Variants in TEPSIN observed in about 807,000 individuals in gnomAD.
TEPSIN encodes the protein AP-4 complex accessory subunit tepsin.
TEPSIN carries 50 observed loss-of-function variants against 48.5 expected under a neutral mutation model. The ratio of observed to expected loss-of-function variants is 1.03; its 90% CI spans 0.82 to 1.31. TEPSIN has a LOEUF of 1.31. TEPSIN is among the 50% of genes most tolerant of loss of function. TEPSIN has a pLI of 0.00. For synonymous variants in TEPSIN, 392 were observed against 358.8 expected (o/e 1.09, Z -1.05); for missense variants, 838 against 815.9 (o/e 1.03, Z -0.33).
In TEPSIN at chr17:81,234,153, ACCAAGG is replaced by A; in HGVS notation, c.308-111_308-106del. The stretch of plus-strand genomic sequence containing the variant: ...CACTCCAGGGTGGCAAGTTCCTGCC[ACCAAGG>A]CCCTTCTGTCACAGCCAATGGGATG... On this transcript the variant is annotated intron_variant, in intron 4 of 12. Transcript: ENST00000637944. The surrounding 1 kb of genome is among the most constrained non-coding windows in gnomAD (Gnocchi z 5.4). The A allele has an allele frequency of 9.9e-7, 1 of 1,008,420 alleles. No individual in the cohort carries two copies. The highest frequency in any genetic ancestry group is 1.4e-6 in the Non-Finnish European group (1 of 714,774). 62.5% of individuals were successfully genotyped at this position (1,008,420 alleles called of 1,614,324 possible).
At chr17:81,238,925 G>C in intron 1 of TEPSIN, 61 bp downstream of exon 1, 1 of 1,400,686 alleles carries the variant, frequency 7.1e-7, no homozygotes, top group Non-Finnish European at 9.2e-7. Context: ...GGCGAGTCCG[G>C]GGAATGCGGC....
At chr17:81,231,078 T>C (rs950066523) in intron 11 of TEPSIN, 21 of 505,450 alleles carry the variant, frequency 4.2e-5, no homozygotes, top group African/African-American at 3.6e-4. Context: ...TTCATGTGCA[T>C]GCACACACAC....
In TEPSIN at chr17:81,237,455, G is replaced by A. The variant is rs769796171; in HGVS notation, c.53C>T (p.Pro18Leu). ...ATCGGACGTCCCCTTCAGGAGAATC[G>A]GGAGCTGAAAGGGAACAAGAGCCCC... ...RDRLSFLHRL[P>L]ILLKGTSDDD... The change falls in exon 2 of 13, where the codon CCG (proline) becomes CTG (leucine). Residue 18 changes from proline (P) to leucine (L), a missense_variant. Physicochemically the swap from Pro to Leu is moderately conservative, Grantham distance 98. Coordinates refer to ENST00000637944, the MANE Select transcript of TEPSIN (RefSeq NM_001363764.2). 1.6e-5 allele frequency: 25 copies of A among 1,608,770 alleles called. No individual in the cohort carries two copies. Among genetic ancestry groups the A allele is most frequent in the Non-Finnish European group, 1.8e-5 (21 of 1,178,074 alleles).
At position 81,236,704 on chromosome 17, in the gene TEPSIN, G is replaced by C. The variant is rs777469270; in HGVS notation, c.307+4C>G. The C allele has an allele frequency of 5.1e-6, 8 of 1,558,144 alleles. No individual in the cohort carries two copies. In the South Asian group the frequency reaches 9.5e-5, roughly 18 times the overall value. On this transcript the variant is annotated splice_donor_region_variant and intron_variant, in intron 4 of 12. Transcript: ENST00000637944. ...CTTCCTGAGCGCGTGCGCGGCCCCTGTACCTGCAGCTTCCTGGATGAAGGC... is the reference window on the plus strand; with the variant it reads ...CTTCCTGAGCGCGTGCGCGGCCCCTCTACCTGCAGCTTCCTGGATGAAGGC...
intron 1 of TEPSIN, chr17:81,238,140 T>C: frequency 2.0e-6 from 2 of 985,586 alleles, no homozygotes; most frequent in Non-Finnish European, 2.4e-6. Context: ...CCGAAGCCTT[T>C]CGGTCGGAAG....
chr17:81,237,616 G>T (rs2062748273), intron 1 of TEPSIN, 157 bp from the exon 2 acceptor site: 4 of 749,492 alleles, frequency 5.3e-6, no homozygotes, highest in African/African-American at 1.8e-5. Flanking sequence ...CTGGCCACAG[G>T]GAGGCTGCAG....
At chr17:81,229,567 C>T (rs1293639598) in intron 12 of TEPSIN, 91 bp from the exon 13 acceptor site, 1 of 1,395,768 alleles carries the variant, frequency 7.2e-7, no homozygotes, top group Admixed American at 2.2e-5. Flanking sequence ...CCTCCTCAGT[C>T]CCTCCACCCA....
At position 81,233,773 on chromosome 17, in the gene TEPSIN, C is replaced by T. The variant is rs2062669383; in HGVS notation, c.376-57G>A. 4 of 1,507,560 alleles carry T rather than the reference C, an allele frequency of 2.7e-6. No individual in the cohort carries two copies. Among genetic ancestry groups the T allele is most frequent in the East Asian group, 4.7e-5 (2 of 42,306 alleles). The allele number at this position is 1,507,560 out of a possible 1,614,324, so 93.4% of individuals were successfully genotyped here. ...TCACACCAGGGCCTGCTGTACTCAC[C>T]CTGCCACCCATATCAGCTCCGTTCT... On this transcript the variant is annotated intron_variant, in intron 5 of 12. Transcript: ENST00000637944. This position sits in a 1 kb window ranked among gnomAD's most constrained non-coding sequence, Gnocchi z 5.8.
Position 81,234,027 on chromosome 17 carries a change from G to C in TEPSIN, c.329C>G (p.Pro110Arg). The C allele has an allele frequency of 6.3e-7, 1 of 1,595,410 alleles. No individual in the cohort carries two copies. The highest frequency in any genetic ancestry group is 8.5e-7 in the Non-Finnish European group (1 of 1,174,634). ...CTGGTACAAGCTGTTCCCGTGCAGA[G>C]GATCTGGGGGCCCTGCAAAAGCTGC... ...EAAAFAGPPD[P>R]LHGNSLYQKV... is the part of the protein sequence containing the mutation. The change falls in exon 5 of 13, where the codon CCT (proline) becomes CGT (arginine). Residue 110 changes from proline (P) to arginine (R), a missense_variant. Transcript: ENST00000637944. This position sits in a 1 kb window ranked among gnomAD's most constrained non-coding sequence, Gnocchi z 5.4.
At position 81,237,579 on chromosome 17, in the gene TEPSIN, G is replaced by A. The variant is rs1447687210; in HGVS notation, c.49-120C>T. 6.7e-6 allele frequency: 7 copies of A among 1,048,862 alleles called. No homozygotes were observed. In the African/African-American group the frequency reaches 9.7e-5, roughly 14 times the overall value. 65.0% of individuals were successfully genotyped at this position (1,048,862 alleles called of 1,614,324 possible). ...TCACTGTTGACATGGCCGGAGAGAG[G>A]ACTGGGAAGGGATGAGAACTGTGCT... On this transcript the variant is annotated intron_variant, in intron 1 of 12. Coordinates refer to ENST00000637944, the MANE Select transcript of TEPSIN (RefSeq NM_001363764.2).
rs547331703 is a variant in TEPSIN at position 81,236,784 on chromosome 17, G to A, written c.231C>T (p.Leu77=). 5.7e-6 allele frequency: 9 copies of A among 1,568,670 alleles called. No individual in the cohort carries two copies. In the South Asian group the frequency reaches 9.4e-5, roughly 16 times the overall value. The change falls in exon 4 of 13, where the codon CTC becomes CTT. Residue 77 remains leucine, a synonymous_variant. Coordinates refer to ENST00000637944, the MANE Select transcript of TEPSIN (RefSeq NM_001363764.2). ...HGKLKVLKIL[L]YLCSHGSSFF... is the part of the protein sequence containing the mutation. ...AGGAGGAGCCGTGGCTGCACAGATA[G>A]AGCAGGATCTTCAGCACCTGGGGAG...
intron 1 of TEPSIN, 153 bp downstream of exon 1, chr17:81,238,833 C>T: frequency 7.5e-7 from 1 of 1,332,362 alleles, no homozygotes; most frequent in Non-Finnish European, 9.6e-7. Flanking sequence ...GGCGGGCGGG[C>T]AGCTCAGGGG....
rs760420668 is a variant in TEPSIN, at chr17:81,228,705, C to T, written c.*223G>A. 2.6e-5 allele frequency: 16 copies of T among 607,510 alleles called. No individual in the cohort carries two copies. Among genetic ancestry groups the T allele is most frequent in the African/African-American group, 1.7e-4 (9 of 52,490 alleles). The allele number at this position is 607,510 out of a possible 1,614,324, so 37.6% of individuals were successfully genotyped here. On this transcript the variant is annotated 3_prime_UTR_variant, in exon 13 of 13. Coordinates refer to ENST00000637944, the MANE Select transcript of TEPSIN (RefSeq NM_001363764.2). The stretch of plus-strand genomic sequence containing the variant: ...GACTGCCCCCTGAGAGCCCTGAGAT[C>T]GACATTTCTGAAGCCCTGCCACCTG...
chr17:81,232,317 C>T lies in TEPSIN; in HGVS notation c.728G>A (p.Arg243Gln), dbSNP rs1326277208. ...NLLPGAIPGP[R>Q]AVRHQPGQAG... ...GGGAGGAGCCCTCGCCTCGATACCT[C>T]GGGGACCTGGAATGGCCCCGGGGAG... Residue 243 changes from arginine (R) to glutamine (Q), a missense_variant and splice_region_variant, in exon 8 of 13, where the codon CGA (arginine) becomes CAA (glutamine). By Grantham distance (43) the Arg-to-Gln change is conservative (BLOSUM62 1). Coordinates refer to ENST00000637944, the MANE Select transcript of TEPSIN (RefSeq NM_001363764.2). The T allele has an allele frequency of 2.6e-6, 4 of 1,526,822 alleles. No individual in the cohort carries two copies. Among genetic ancestry groups the T allele is most frequent in the South Asian group, 1.2e-5 (1 of 83,534 alleles). 94.6% of individuals were successfully genotyped at this position (1,526,822 alleles called of 1,614,324 possible).
At position 81,233,798 on chromosome 17, in the gene TEPSIN, T is replaced by C. The variant is rs570442532; in HGVS notation, c.376-82A>G. On this transcript the variant is annotated intron_variant, in intron 5 of 12. Transcript: ENST00000637944. This position sits in a 1 kb window ranked among gnomAD's most constrained non-coding sequence, Gnocchi z 5.8. Reference sequence around the variant, plus strand: ...CCTGCCACCCATATCAGCTCCGTTCTGTCCCCCGGACACTTCTCCTGAGCC... The same window carrying C: ...CCTGCCACCCATATCAGCTCCGTTCCGTCCCCCGGACACTTCTCCTGAGCC... The C allele has an allele frequency of 1.3e-4, 193 of 1,451,158 alleles. 1 individual carries two copies. In the Middle Eastern group the frequency reaches 2.9e-3, roughly 22 times the overall value. 89.9% of individuals were successfully genotyped at this position (1,451,158 alleles called of 1,614,324 possible).
chr17:81,232,055 G>A (rs767494537), intron 8 of TEPSIN, 34 bp from the exon 9 acceptor site: 4 of 1,593,304 alleles, frequency 2.5e-6, no homozygotes, highest in African/African-American at 2.7e-5. Flanking sequence ...GAGATCCCTG[G>A]GGCTTCAGGC....
Position 81,229,431 on chromosome 17 carries a change from G to A in TEPSIN, c.1279C>T (p.Arg427Trp), listed in dbSNP as rs760300120. 9.0e-6 allele frequency: 14 copies of A among 1,549,892 alleles called. 1 individual carries two copies. Among genetic ancestry groups the A allele is most frequent in the South Asian group, 7.1e-5 (6 of 84,042 alleles). ...GGGCCAGGCTCAGCTGAGGTGCCCC[G>A]GGCAGGGGACAGCTGCCCACAGGAG... ...EASCGQLSPA[R>W]GTSAEPGPTA... Residue 427 changes from arginine (R) to tryptophan (W), a missense_variant, in exon 13 of 13, where the codon CGG (arginine) becomes TGG (tryptophan). Coordinates refer to ENST00000637944, the MANE Select transcript of TEPSIN (RefSeq NM_001363764.2).
rs935239253 is a variant in TEPSIN, at chr17:81,238,212, C to T, written c.49-753G>A. The T allele has an allele frequency of 7.1e-6, 7 of 981,480 alleles. No homozygotes were observed. In the African/African-American group the frequency reaches 1.1e-4, roughly 15 times the overall value. The allele number at this position is 981,480 out of a possible 1,614,324, so 60.8% of individuals were successfully genotyped here. On this transcript the variant is annotated intron_variant, in intron 1 of 12. Transcript: ENST00000637944. ...CTGAAGTGTTTCCCGAGGCTGTGGA[C>T]ACGCATCACTGACACTGTTTGCCCA...
rs182165152 is a variant in TEPSIN, at chr17:81,228,427, C to T, written c.*501G>A. 2.7e-4 allele frequency: 53 copies of T among 199,038 alleles called. No individual in the cohort carries two copies. The highest frequency in any genetic ancestry group is 1.3e-3 in the Admixed American group (21 of 15,874). 12.3% of individuals were successfully genotyped at this position (199,038 alleles called of 1,614,324 possible). A position where few individuals can be genotyped will look rare whatever the true frequency, so the allele number is the denominator to read the frequency against. On this transcript the variant is annotated 3_prime_UTR_variant, in exon 13 of 13. Coordinates refer to ENST00000637944, the MANE Select transcript of TEPSIN (RefSeq NM_001363764.2). ...GCAGGTGAGAGCCAGGGAAGGATCA[C>T]GTAGGGATCTGAGACTTGAAATGGC...
Sources: gnomAD v4.1 joint callset for allele counts on GRCh38, gnomAD v4.1.1 for gene constraint, Gnocchi (gnomAD v3.1) non-coding constraint, MANE v1.5 for transcripts, NCBI Gene and HGNC (gene_info 2026-07-23, HGNC 2026-07-21) for gene names.